The following GALNTL6 variants were observed in gnomAD, a reference collection of about 807,000 sequenced individuals.
GALNTL6 encodes the protein polypeptide N-acetylgalactosaminyltransferase-like 6.
In GALNTL6, 46 loss-of-function variants were observed where a neutral mutation model predicts 73.7. That is an observed-to-expected ratio of 0.62 (90% CI 0.49 to 0.80). GALNTL6 has a LOEUF of 0.80. GALNTL6 is among the 30% of genes least tolerant of loss of function. The probability of loss-of-function intolerance (pLI) is 0.00; values close to 1 mark genes in which losing one functional copy is unlikely to be tolerated. For synonymous variants in GALNTL6, 259 were observed against 263.7 expected (o/e 0.98, Z 0.17); for missense variants, 604 against 755.0 (o/e 0.80, Z 2.34).
intron 5 of GALNTL6, among the ~76,000 whole-genome samples, chr4:172,796,188 T>C (rs2110944643): frequency 6.6e-6 from 1 of 152,174 alleles, no homozygotes; most frequent in Non-Finnish European, 1.5e-5. Context: ...GTATTAAGTC[T>C]CTTTCTACTT....
intron 2 of GALNTL6, among the ~76,000 whole-genome samples, chr4:172,190,503 A>G (rs1191879278): frequency 6.6e-6 from 1 of 152,162 alleles, no homozygotes; most frequent in Non-Finnish European, 1.5e-5. Context: ...ACACTGAGAA[A>G]AAAAAGTGTG....
At position 172,120,682 on chromosome 4, in the gene GALNTL6, G is replaced by A. The variant is rs1015727622; in HGVS notation, c.139-108974G>A. 2.3e-4 allele frequency among the ~76,000 whole-genome samples: 35 copies of A among 151,982 alleles called. 1 individual carries two copies. Among genetic ancestry groups the A allele is most frequent in the Admixed American group, 2.2e-3 (34 of 15,246 alleles). ...AAATAAAGTCGGGGGGTGGGGTGGG[G>A]AATTGAGTTTTCCATAGAAAGAGAA... On this transcript the variant is annotated intron_variant, in intron 2 of 12. Coordinates refer to ENST00000506823, the MANE Select transcript of GALNTL6 (RefSeq NM_001034845.3).
intron 5 of GALNTL6, among the ~76,000 whole-genome samples, chr4:172,405,435 ATATATATATTTTTTTTT>A (rs1296576886): frequency 2.0e-3 from 10 of 5,094 alleles, no homozygotes; most frequent in African/African-American, 7.0e-3. Context: ...ATATATATAT[ATATATATATTTTTTTTT>A]TTTTTTTTTT....
At chr4:171,982,968 C>T (rs1739949740) in intron 2 of GALNTL6, among the ~76,000 whole-genome samples, 1 of 152,184 alleles carries the variant, frequency 6.6e-6, no homozygotes, top group Admixed American at 6.5e-5. Context: ...CAGAGCCTTA[C>T]AAGAATGTAA....
At chr4:172,056,790 T>C (rs1731030943) in intron 2 of GALNTL6, among the ~76,000 whole-genome samples, 1 of 152,074 alleles carries the variant, frequency 6.6e-6, no homozygotes. Context: ...ATCTGGTTTA[T>C]AGAAGTATCT....
intron 12 of GALNTL6, among the ~76,000 whole-genome samples, chr4:173,034,843 C>G (rs1419540144): frequency 1.3e-5 from 2 of 152,278 alleles, no homozygotes; most frequent in East Asian, 3.9e-4. Context: ...CAACCTCACC[C>G]CTACCTCTGG....
In GALNTL6 at chr4:171,891,096, G is replaced by C. The variant is rs1174423646; in HGVS notation, c.138+76378G>C. Among the ~76,000 whole-genome samples, 13 of 152,178 alleles carry C rather than the reference G, an allele frequency of 8.5e-5. 1 individual carries two copies. The South Asian group carries it at 2.7e-3, about 32-fold the overall frequency. On this transcript the variant is annotated intron_variant, in intron 2 of 12. Transcript: ENST00000506823. ...AATTACCAGTAAAAAGTGATTCCCTGATTTAAAGGAACTTACTCCTACCCT... is the reference window on the plus strand; with the variant it reads ...AATTACCAGTAAAAAGTGATTCCCTCATTTAAAGGAACTTACTCCTACCCT...
intron 10 of GALNTL6, among the ~76,000 whole-genome samples, chr4:173,001,250 T>C (rs1752032693): frequency 6.6e-6 from 1 of 152,178 alleles, no homozygotes; most frequent in Admixed American, 6.5e-5. Context: ...TGTCAGGCAA[T>C]AAATTGCTGT....
At chr4:172,207,080 G>A (rs939500869) in intron 2 of GALNTL6, among the ~76,000 whole-genome samples, 2 of 151,834 alleles carry the variant, frequency 1.3e-5, no homozygotes, top group Non-Finnish European at 2.9e-5. Flanking sequence ...GCCTCCCAAA[G>A]TGCTGGGATT....
At chr4:172,369,372 A>G (rs570960211) in intron 5 of GALNTL6, among the ~76,000 whole-genome samples, 1 of 152,174 alleles carries the variant, frequency 6.6e-6, no homozygotes, top group Admixed American at 6.5e-5. Flanking sequence ...GCTAGACATA[A>G]AAGTTCTCAA....
At chr4:172,313,092 G>A (rs1211460686) in intron 4 of GALNTL6, among the ~76,000 whole-genome samples, 1 of 151,110 alleles carries the variant, frequency 6.6e-6, no homozygotes, top group Non-Finnish European at 1.5e-5. Context: ...TGCTAAGAGA[G>A]TAATTTTTAT....
intron 5 of GALNTL6, among the ~76,000 whole-genome samples, chr4:172,390,147 G>A (rs115144495): frequency 3.0e-4 from 46 of 152,084 alleles, no homozygotes; most frequent in African/African-American, 1.1e-3. Context: ...TTAACCCAAA[G>A]AAAATAACAT....
intron 2 of GALNTL6, among the ~76,000 whole-genome samples, chr4:172,113,476 A>G (rs1271101050): frequency 6.6e-6 from 1 of 152,040 alleles, no homozygotes; most frequent in African/African-American, 2.4e-5. Flanking sequence ...TTTTCTATAG[A>G]CAGTACAATG....
At chr4:171,955,423 C>T (rs1185449133) in intron 2 of GALNTL6, among the ~76,000 whole-genome samples, 1 of 151,552 alleles carries the variant, frequency 6.6e-6, no homozygotes, top group African/African-American at 2.4e-5. Context: ...CAGTTGACCC[C>T]CGATATTCAT....
chr4:172,479,484 C>G (rs903195147), intron 5 of GALNTL6, among the ~76,000 whole-genome samples: 3 of 152,108 alleles, frequency 2.0e-5, no homozygotes, highest in African/African-American at 7.2e-5. Context: ...TTCTCACTTG[C>G]AAACAGGAGC....
intron 5 of GALNTL6, among the ~76,000 whole-genome samples, chr4:172,388,854 A>C (rs923209197): frequency 6.6e-6 from 1 of 152,054 alleles, no homozygotes; most frequent in African/African-American, 2.4e-5. Flanking sequence ...CTTACATGAC[A>C]TCCTCCCAAA....
chr4:172,546,819 C>CAT (rs141722040), intron 5 of GALNTL6, among the ~76,000 whole-genome samples: 201 of 6,696 alleles, frequency 0.03, 13 homozygotes, highest in Middle Eastern at 0.15. Flanking sequence ...TATATATATA[C>CAT]GTATATGTAT....
At position 172,348,641 on chromosome 4, in the gene GALNTL6, G is replaced by T. The variant is rs1479883525; in HGVS notation, c.505G>T (p.Gly169Trp). 1 of 1,611,832 alleles carries T rather than the reference G, an allele frequency of 6.2e-7. No individual in the cohort carries two copies. Among genetic ancestry groups the T allele is most frequent in the African/African-American group, 1.3e-5 (1 of 74,954 alleles). Residue 169 changes from glycine (G) to tryptophan (W), a missense_variant, in exon 5 of 13, where the codon GGG (glycine) becomes TGG (tryptophan). Physicochemically the swap from Gly to Trp is radical, Grantham distance 184. Coordinates refer to ENST00000506823, the MANE Select transcript of GALNTL6 (RefSeq NM_001034845.3). ...ACACAGTATAATTAACCGAACCCCAGGGAGTCTGATAGCAGAAATCATTCT... is the reference window on the plus strand; with the variant it reads ...ACACAGTATAATTAACCGAACCCCATGGAGTCTGATAGCAGAAATCATTCT... ...TIHSIINRTP[G>W]SLIAEIILVD...
intron 5 of GALNTL6, among the ~76,000 whole-genome samples, chr4:172,356,541 T>C (rs1578988952): frequency 6.6e-6 from 1 of 152,202 alleles, no homozygotes; most frequent in African/African-American, 2.4e-5. Context: ...TATCAATCTC[T>C]CAGCATTCAA....
Sources: allele counts gnomAD v4.1 joint callset (sites outside exome capture counted in the v4.1 genomes callset), GRCh38; gene constraint gnomAD v4.1.1; transcripts MANE v1.5; gene names NCBI Gene and HGNC (gene_info 2026-07-23, HGNC 2026-07-21).